BCL2L14: variants seen among roughly 807,000 people sequenced by gnomAD.
BCL2L14 encodes apoptosis facilitator Bcl-2-like protein 14.
A neutral mutation model predicts 35.3 loss-of-function variants in BCL2L14; 27 were observed. That is an observed-to-expected ratio of 0.76 (90% CI 0.56 to 1.05). The LOEUF is 1.05. Ranked by LOEUF, BCL2L14 falls within the 50% of genes least tolerant of loss-of-function variation. The pLI is 0.00. For synonymous variants in BCL2L14, 139 were observed against 145.9 expected, an observed-to-expected ratio of 0.95 and a Z score of 0.34; for missense variants, 377 against 382.6, an observed-to-expected ratio of 0.99 and a Z score of 0.12.
chr12:12,050,420 G>T (rs770230142), intron 1 of BCL2L14, among the ~76,000 whole-genome samples: 4 of 126,424 alleles, frequency 3.2e-5, no homozygotes, highest in Non-Finnish European at 6.3e-5. Flanking sequence ...GCGACAGAGG[G>T]AGACACCATC....
chr12:12,064,899 C>G (rs553770365), intron 2 of BCL2L14, among the ~76,000 whole-genome samples: 1 of 152,322 alleles, frequency 6.6e-6, no homozygotes, highest in South Asian at 2.1e-4. Context: ...GTACTAAGAA[C>G]GTCTTTCTCC....
intron 5 of BCL2L14, chr12:12,095,916 C>T: frequency 1.0e-6 from 1 of 985,376 alleles, no homozygotes; most frequent in Non-Finnish European, 1.2e-6. Flanking sequence ...CCCTAAGTGG[C>T]TGATCTGAAC....
At chr12:12,050,794 A>AT (rs1948343185) in intron 1 of BCL2L14, among the ~76,000 whole-genome samples, 2 of 18,540 alleles carry the variant, frequency 1.1e-4, no homozygotes, top group African/African-American at 2.1e-4. Flanking sequence ...CTGATGAGCT[A>AT]AAAAAAAAAA....
intron 5 of BCL2L14, chr12:12,095,470 G>A (rs1591839625): frequency 1.0e-6 from 1 of 985,288 alleles, no homozygotes; most frequent in Non-Finnish European, 1.2e-6. Flanking sequence ...CCTGGTATCA[G>A]TCAAAACAGA....
chr12:12,050,813 A>AG (rs371723353), intron 1 of BCL2L14, among the ~76,000 whole-genome samples: 6 of 130,704 alleles, frequency 4.6e-5, no homozygotes, highest in Non-Finnish European at 9.9e-5. Flanking sequence ...AAAAAAAAAA[A>AG]GAAAAGAAAA....
upstream of BCL2L14, among the ~76,000 whole-genome samples, chr12:12,067,901 T>C (rs544344690): frequency 2.6e-5 from 4 of 152,132 alleles, no homozygotes; most frequent in Admixed American, 6.5e-5. Flanking sequence ...GTTTGCCCCT[T>C]CCCTGTGTTA....
intron 3 of BCL2L14, 117 bp from the exon 4 acceptor site, chr12:12,090,662 A>C (rs970032630): frequency 3.1e-6 from 2 of 635,808 alleles, no homozygotes; most frequent in Non-Finnish European, 5.2e-6. Flanking sequence ...AAAAAAAAAG[A>C]ATTAGCATGC....
chr12:12,054,328 C>A (rs1179567263), intron 2 of BCL2L14, among the ~76,000 whole-genome samples: 1 of 151,956 alleles, frequency 6.6e-6, no homozygotes, highest in Non-Finnish European at 1.5e-5. Flanking sequence ...CATGGAGAAA[C>A]CCCATATCTA....
chr12:12,094,669 G>A lies in BCL2L14; in HGVS notation c.684G>A (p.Lys228=), dbSNP rs575884005. Reference sequence around the variant, plus strand: ...GCTTATTCTTTTGTACACAGCTGAAGAAAGATAAGGCTTTGATGGGCCACT... The same window carrying A: ...GCTTATTCTTTTGTACACAGCTGAAAAAAGATAAGGCTTTGATGGGCCACT... ...YSGDQLERKL[K]KDKALMGHFQ... The change falls in exon 5 of 6, where the codon AAG becomes AAA. Residue 228 remains lysine (K), a synonymous_variant. Transcript: ENST00000308721. The A allele has an allele frequency of 6.2e-7, 1 of 1,614,186 alleles. No homozygotes were observed. Among genetic ancestry groups the A allele is most frequent in the South Asian group, 1.1e-5 (1 of 91,082 alleles).
Position 12,087,397 on chromosome 12 carries a change from CT to C in BCL2L14, c.607+13del. Reference sequence around the variant, plus strand: ...CAAGTTCTAAGAAAGGTAAGCTTTCCTTCCCTGGGTGGAGTGTTTGCCAGGC... The same window carrying C: ...CAAGTTCTAAGAAAGGTAAGCTTTCCTCCCTGGGTGGAGTGTTTGCCAGGC... On this transcript the variant is annotated intron_variant, in intron 3 of 5. Transcript: ENST00000308721. 6.2e-7 allele frequency: 1 copy of C among 1,613,426 alleles called. No individual in the cohort carries two copies. Among genetic ancestry groups the C allele is most frequent in the South Asian group, 1.1e-5 (1 of 90,994 alleles).
chr12:12,068,568 G>A (rs548055131), upstream of BCL2L14, among the ~76,000 whole-genome samples: 1 of 152,050 alleles, frequency 6.6e-6, no homozygotes, highest in Non-Finnish European at 1.5e-5. Flanking sequence ...ATGCTATGTT[G>A]TCTGGCTGGT....
upstream of BCL2L14, among the ~76,000 whole-genome samples, chr12:12,067,794 A>G (rs548861106): frequency 6.6e-6 from 1 of 152,284 alleles, no homozygotes; most frequent in Admixed American, 6.5e-5. Flanking sequence ...TTAATATCTA[A>G]CATGTGTTGT....
intron 2 of BCL2L14, among the ~76,000 whole-genome samples, chr12:12,057,536 T>C (rs1344170507): frequency 6.6e-6 from 1 of 151,996 alleles, no homozygotes; most frequent in Non-Finnish European, 1.5e-5. Context: ...GGCGGGTGGA[T>C]CACCTGAGGT....
In BCL2L14 at chr12:12,074,101, T is replaced by C. The variant is rs550473861; in HGVS notation, c.-8+2964T>C. On this transcript the variant is annotated intron_variant, in intron 1 of 5. Coordinates refer to ENST00000308721, the MANE Select transcript of BCL2L14 (RefSeq NM_138723.2). ...ATAATATTTTATTTGGGACATATAC[T>C]AATATTTATTATATATTAGTCTCAT... 2.0e-5 allele frequency among the ~76,000 whole-genome samples: 3 copies of C among 152,348 alleles called. No homozygotes were observed. The South Asian group carries it at 6.2e-4, about 32-fold the overall frequency.
chr12:12,053,507 A>C (rs1591798760), intron 2 of BCL2L14, among the ~76,000 whole-genome samples: 1 of 150,120 alleles, frequency 6.7e-6, no homozygotes, highest in African/African-American at 2.5e-5. Context: ...TGCAACCTCC[A>C]CCTCCCGGGT....
upstream of BCL2L14, among the ~76,000 whole-genome samples, chr12:12,066,864 CCAT>C (rs1248145136): frequency 1.3e-5 from 2 of 151,758 alleles, no homozygotes; most frequent in Non-Finnish European, 2.9e-5. Context: ...GCGCCCACCA[CCAT>C]GTCTAGCTAA....
At chr12:12,090,494 G>A (rs1334032280) in intron 3 of BCL2L14, among the ~76,000 whole-genome samples, 5 of 152,012 alleles carry the variant, frequency 3.3e-5, no homozygotes, top group Non-Finnish European at 5.9e-5. Context: ...TTAGCCAGGC[G>A]TGGTGGCACA....
chr12:12,056,815 G>GACCC (rs1422443732), intron 2 of BCL2L14, among the ~76,000 whole-genome samples: 4 of 152,174 alleles, frequency 2.6e-5, no homozygotes, highest in Non-Finnish European at 5.9e-5. Context: ...CAGCCTGGAC[G>GACCC]ACAAGAGCGA....
At chr12:12,050,319 G>T (rs533533163) in intron 1 of BCL2L14, among the ~76,000 whole-genome samples, 1 of 151,958 alleles carries the variant, frequency 6.6e-6, no homozygotes, top group Non-Finnish European at 1.5e-5. Flanking sequence ...TGTAGTCCCA[G>T]CTACTCGGGA....
Sources: gnomAD v4.1 joint callset for allele counts (sites outside exome capture counted in the v4.1 genomes callset) on GRCh38, gnomAD v4.1.1 for gene constraint, MANE v1.5 for transcripts, NCBI Gene and HGNC (gene_info 2026-07-23, HGNC 2026-07-21) for gene names.